NUAK1: variants seen among roughly 807,000 people sequenced by gnomAD.
The protein encoded by NUAK1 is NUAK family kinase 1, also known as NUAK family SNF1-like kinase 1.
A neutral mutation model predicts 56.9 loss-of-function variants in NUAK1; 26 were observed. That is an observed-to-expected ratio of 0.46 (90% CI 0.33 to 0.63). NUAK1 has a LOEUF of 0.63. Among genes scored for constraint, NUAK1 ranks in the 30% least tolerant of loss-of-function variants. The pLI, the probability that NUAK1 is intolerant of heterozygous loss-of-function variation, is 0.02. For missense variants in NUAK1, 727 were observed against 876.1 expected (o/e 0.83, Z 2.15); for synonymous variants, 337 against 336.0 (o/e 1.00, Z -0.03).
chr12:106,072,746 C>G lies in NUAK1; in HGVS notation c.677G>C (p.Gly226Ala). 6.2e-7 allele frequency: 1 copy of G among 1,613,958 alleles called. No individual in the cohort carries two copies. Among genetic ancestry groups the G allele is most frequent in the Non-Finnish European group, 8.5e-7 (1 of 1,179,954 alleles). ...CACCTCTGGCCCTCGGTAAGGTCTC[C>G]CATTGACAATCTCAGGAGATGCATA... Reference protein sequence around the residue: ...PLYASPEIVNGRPYRGPEVDS... With the variant: ...PLYASPEIVNARPYRGPEVDS... Residue 226 changes from glycine (G) to alanine (A), a missense_variant, in exon 5 of 7, where the codon GGG (glycine) becomes GCG (alanine). By Grantham distance (60) the Gly-to-Ala change is moderately conservative (BLOSUM62 0). Transcript: ENST00000261402.
chr12:106,125,450 C>T (rs1037643832), intron 1 of NUAK1, among the ~76,000 whole-genome samples: 1 of 152,198 alleles, frequency 6.6e-6, no homozygotes, highest in East Asian at 1.9e-4. Flanking sequence ...GTGATCCTGG[C>T]TCTGTGACTT....
chr12:106,127,426 G>A lies in NUAK1; in HGVS notation c.240+10988C>T, dbSNP rs531483775. ...TCAAGTGATCCCCCTGCCTCCCAAA[G>A]TGTAGGATTACAGGCAGAAGCAACC... On this transcript the variant is annotated intron_variant, in intron 1 of 6. Transcript: ENST00000261402. Among the ~76,000 whole-genome samples, 4 of 152,312 alleles carry A rather than the reference G, an allele frequency of 2.6e-5. No individual in the cohort carries two copies. In the South Asian group the frequency reaches 8.3e-4, roughly 32 times the overall value.
intron 1 of NUAK1, among the ~76,000 whole-genome samples, chr12:106,109,060 C>A (rs2032832840): frequency 6.6e-6 from 1 of 152,182 alleles, no homozygotes; most frequent in Non-Finnish European, 1.5e-5. Context: ...AGGGTGCATT[C>A]TGCTCCCCTG....
At chr12:106,128,210 C>A (rs531628206) in intron 1 of NUAK1, among the ~76,000 whole-genome samples, 1 of 150,438 alleles carries the variant, frequency 6.6e-6, no homozygotes, top group South Asian at 2.1e-4. Context: ...TCTCTCACTG[C>A]AACCTCCGCC....
chr12:106,109,821 G>T (rs1334993444), intron 1 of NUAK1, among the ~76,000 whole-genome samples: 1 of 152,160 alleles, frequency 6.6e-6, no homozygotes, highest in Admixed American at 6.5e-5. Context: ...CACATCAGGT[G>T]CTCAAGAATA....
rs976981749 is a variant in NUAK1 at position 106,096,910 on chromosome 12, A to G, written c.361+9495T>C. ...GACCCAGGCATCAGCATTTTTTACA[A>G]ACTCCTCATGAGATTTTAATGTGCC... On this transcript the variant is annotated intron_variant, in intron 2 of 6. Transcript: ENST00000261402. Among the ~76,000 whole-genome samples, 11 of 152,156 alleles carry G rather than the reference A, an allele frequency of 7.2e-5. 1 individual carries two copies. The highest frequency in any genetic ancestry group is 1.5e-5 in the Non-Finnish European group (1 of 68,032).
At chr12:106,112,986 C>T (rs1163235892) in intron 1 of NUAK1, among the ~76,000 whole-genome samples, 2 of 152,142 alleles carry the variant, frequency 1.3e-5, no homozygotes, top group African/African-American at 4.8e-5. Flanking sequence ...TCTCTCCTGC[C>T]ATAAAAAATG....
chr12:106,071,542 G>A (rs902036111), intron 5 of NUAK1, among the ~76,000 whole-genome samples: 2 of 152,144 alleles, frequency 1.3e-5, no homozygotes, highest in Admixed American at 6.5e-5. Flanking sequence ...AGCACTGCTC[G>A]ATTCTTTGGT....
intron 2 of NUAK1, among the ~76,000 whole-genome samples, chr12:106,097,469 A>G (rs986436695): frequency 1.3e-5 from 2 of 152,242 alleles, no homozygotes; most frequent in Non-Finnish European, 2.9e-5. Context: ...AATAGTGGAT[A>G]ATGTTAAGGA....
intron 4 of NUAK1, among the ~76,000 whole-genome samples, chr12:106,077,635 C>T (rs1565919442): frequency 1.3e-5 from 2 of 152,182 alleles, no homozygotes. Flanking sequence ...CAGCATCTAA[C>T]CCAAGGCGCT....
At chr12:106,120,196 G>T (rs1055789576) in intron 1 of NUAK1, among the ~76,000 whole-genome samples, 1 of 151,908 alleles carries the variant, frequency 6.6e-6, no homozygotes. Context: ...TTCCAATATC[G>T]CAGTCTCTAC....
chr12:106,097,944 A>G (rs1358679231), intron 2 of NUAK1, among the ~76,000 whole-genome samples: 1 of 152,178 alleles, frequency 6.6e-6, no homozygotes. Flanking sequence ...GAGCAGCAAC[A>G]CTTTCTGATT....
chr12:106,090,527 T>C (rs2032624890), intron 2 of NUAK1, among the ~76,000 whole-genome samples: 1 of 152,148 alleles, frequency 6.6e-6, no homozygotes, highest in Admixed American at 6.5e-5. Context: ...TGAGAACACC[T>C]GGGGCGACAA....
intron 1 of NUAK1, among the ~76,000 whole-genome samples, chr12:106,111,118 A>G (rs1278376114): frequency 6.6e-6 from 1 of 152,016 alleles, no homozygotes; most frequent in African/African-American, 2.4e-5. Flanking sequence ...CGGTTTCCTC[A>G]CCTGTAAAAT....
intron 2 of NUAK1, among the ~76,000 whole-genome samples, chr12:106,094,148 A>G (rs2032669274): frequency 6.6e-6 from 1 of 151,478 alleles, no homozygotes; most frequent in African/African-American, 2.4e-5. Flanking sequence ...AGGGCCTAGC[A>G]GTGGCCCCAA....
intron 4 of NUAK1, among the ~76,000 whole-genome samples, chr12:106,077,047 T>C (rs1489011282): frequency 1.3e-5 from 2 of 152,234 alleles, no homozygotes; most frequent in Non-Finnish European, 2.9e-5. Flanking sequence ...AGAACACTGT[T>C]TATAATGAGC....
chr12:106,067,079 C>T lies in NUAK1; in HGVS notation c.1709G>A (p.Ser570Asn). 6.2e-7 allele frequency: 1 copy of T among 1,614,222 alleles called. No homozygotes were observed. The highest frequency in any genetic ancestry group is 8.5e-7 in the Non-Finnish European group (1 of 1,180,034). The change falls in exon 7 of 7, where the codon AGT (serine) becomes AAT (asparagine). Residue 570 changes from serine (S) to asparagine (N), a missense_variant. Physicochemically the swap from Ser to Asn is conservative, Grantham distance 46. Transcript: ENST00000261402. This position sits in a 1 kb window ranked among gnomAD's most constrained non-coding sequence, Gnocchi z 6.0. ...GLSRSYSRPSSVISDDSVLSS... is the reference protein window; with the variant it reads ...GLSRSYSRPSNVISDDSVLSS... ...CAGCACGCTGTCATCGCTGATGACA[C>T]TGGAAGGGCGGCTGTAGCTCCGGGA...
chr12:106,083,679 T>A (rs1029559156), intron 4 of NUAK1, among the ~76,000 whole-genome samples, 185 bp downstream of exon 4: 4 of 152,212 alleles, frequency 2.6e-5, no homozygotes, highest in African/African-American at 9.6e-5. Context: ...AGGAGATCAA[T>A]AACTGCTTGT....
intron 1 of NUAK1, among the ~76,000 whole-genome samples, chr12:106,132,780 T>C (rs923148624): frequency 3.9e-5 from 6 of 152,092 alleles, no homozygotes; most frequent in Admixed American, 2.0e-4. Context: ...CTTCCCAACC[T>C]CAACTCTTGC....
Sources: allele counts gnomAD v4.1 joint callset (sites outside exome capture counted in the v4.1 genomes callset), GRCh38; gene constraint gnomAD v4.1.1; non-coding constraint Gnocchi (gnomAD v3.1); transcripts MANE v1.5; gene names NCBI Gene and HGNC (gene_info 2026-07-23, HGNC 2026-07-21).